TTLL5: variants seen among roughly 807,000 people sequenced by gnomAD.
The protein encoded by TTLL5 is tubulin polyglutamylase TTLL5.
Under a neutral mutation model 168.4 loss-of-function variants are expected in TTLL5, and 132 were observed. The ratio of observed to expected loss-of-function variants is 0.78; its 90% CI spans 0.68 to 0.91. The LOEUF (loss-of-function observed/expected upper bound fraction) is 0.91. Ranked by LOEUF, TTLL5 falls within the 40% of genes least tolerant of loss-of-function variation. The probability of loss-of-function intolerance (pLI) is 0.00; values close to 1 mark genes in which losing one functional copy is unlikely to be tolerated. For synonymous variants in TTLL5, 546 were observed against 558.6 expected, an observed-to-expected ratio of 0.98 and a Z score of 0.32; for missense variants, 1,545 against 1,581.5, an observed-to-expected ratio of 0.98 and a Z score of 0.39.
Position 75,793,078 on chromosome 14 carries a change from A to G in TTLL5, c.3149A>G (p.His1050Arg), listed in dbSNP as rs781295557. 1 of 1,612,308 alleles carries G rather than the reference A, an allele frequency of 6.2e-7. No homozygotes were observed. The highest frequency in any genetic ancestry group is 8.5e-7 in the Non-Finnish European group (1 of 1,178,932). The change falls in exon 27 of 32, where the codon CAC becomes CGC. Residue 1050 changes from histidine to arginine, a missense_variant. Coordinates refer to ENST00000298832, the MANE Select transcript of TTLL5 (RefSeq NM_015072.5). Reference protein sequence around the residue: ...QAARQYSPSSHINLLTQQVTN... With the variant: ...QAARQYSPSSRINLLTQQVTN... ...GCGAGACAGTATTCTCCATCCAGCCACATCAACCTCCTCACCCAACAGGTA... is the reference window on the plus strand; with the variant it reads ...GCGAGACAGTATTCTCCATCCAGCCGCATCAACCTCCTCACCCAACAGGTA...
intron 6 of TTLL5, among the ~76,000 whole-genome samples, chr14:75,698,184 C>A (rs533871345): frequency 1.1e-4 from 16 of 152,272 alleles, no homozygotes; most frequent in Non-Finnish European, 1.9e-4. Flanking sequence ...TGCTTCTCTC[C>A]CCTGACTTCT....
At chr14:75,756,760 G>A (rs915312802) in intron 18 of TTLL5, among the ~76,000 whole-genome samples, 2 of 151,984 alleles carry the variant, frequency 1.3e-5, no homozygotes, top group African/African-American at 2.4e-5. Flanking sequence ...CACCTACCTC[G>A]ACCTCCCAAA....
intron 28 of TTLL5, among the ~76,000 whole-genome samples, chr14:75,825,290 C>T (rs1203735384): frequency 1.3e-5 from 2 of 152,174 alleles, no homozygotes; most frequent in Admixed American, 6.5e-5. Flanking sequence ...ACCTAGTTTA[C>T]ATCACTCTGG....
chr14:75,828,027 G>A (rs1276803335), intron 28 of TTLL5, among the ~76,000 whole-genome samples: 1 of 151,936 alleles, frequency 6.6e-6, no homozygotes, highest in African/African-American at 2.4e-5. Context: ...TGGCCTGGCT[G>A]ATCTTAAAAA....
In TTLL5 at chr14:75,677,787, A is replaced by T. The variant is rs76522626; in HGVS notation, c.182-3758A>T. On this transcript the variant is annotated intron_variant, in intron 3 of 31. Coordinates refer to ENST00000298832, the MANE Select transcript of TTLL5 (RefSeq NM_015072.5). ...CGCCCACCCGTACACTTGGCTAATT[A>T]AAAAAAAAAATTTTTTTTTTTTTTG... Among the ~76,000 whole-genome samples, 6 of 149,372 alleles carry T rather than the reference A, an allele frequency of 4.0e-5. No individual in the cohort carries two copies. The South Asian group carries it at 6.4e-4, about 16-fold the overall frequency.
chr14:75,906,153 A>G (rs2033138877), intron 31 of TTLL5, among the ~76,000 whole-genome samples: 1 of 152,200 alleles, frequency 6.6e-6, no homozygotes, highest in African/African-American at 2.4e-5. Flanking sequence ...GTGGAGCCAA[A>G]ACCCTAAGGA....
At chr14:75,709,259 T>C (rs771130647) in intron 9 of TTLL5, 2 of 754,318 alleles carry the variant, frequency 2.7e-6, no homozygotes, top group East Asian at 4.9e-5. Context: ...CAGATATTAT[T>C]GTACTCTGAC....
intron 26 of TTLL5, among the ~76,000 whole-genome samples, chr14:75,788,122 A>AAAATAAATAAATAAATAAGT (rs1892482375): frequency 6.6e-6 from 1 of 152,118 alleles, no homozygotes; most frequent in Non-Finnish European, 1.5e-5. Context: ...CCCATCTCTA[A>AAAATAAATAAATAAATAAGT]AAATAAATAA....
intron 31 of TTLL5, among the ~76,000 whole-genome samples, chr14:75,929,650 G>A (rs541938262): frequency 2.1e-4 from 32 of 151,954 alleles, no homozygotes; most frequent in Admixed American, 1.9e-3. Flanking sequence ...ACAGGGTTTC[G>A]CCATGTTGGC....
chr14:75,867,383 G>GT (rs1420497505), intron 29 of TTLL5, among the ~76,000 whole-genome samples: 1 of 151,996 alleles, frequency 6.6e-6, no homozygotes, highest in Non-Finnish European at 1.5e-5. Flanking sequence ...CTCCCTTTTT[G>GT]TTTTAATAAT....
rs1289301567 is a variant in TTLL5 at position 75,763,253 on chromosome 14, CTCTGTG to C, written c.1551-1360_1551-1355del. The stretch of plus-strand genomic sequence containing the variant: ...TAAAAGTTTATTTCTATAGCTCTCT[CTCTGTG>C]TGTGTGTGTGTGTGTGTGTGTGTGT... On this transcript the variant is annotated intron_variant, in intron 18 of 31. Transcript: ENST00000298832. 4.6e-3 allele frequency among the ~76,000 whole-genome samples: 666 copies of C among 144,442 alleles called. 2 individuals are homozygous for C. Among genetic ancestry groups the C allele is most frequent in the East Asian group, 0.023 (116 of 4,968 alleles). The allele number at this position is 144,442 out of a possible 152,430, so 94.8% of individuals were successfully genotyped here.
At position 75,871,015 on chromosome 14, in the gene TTLL5, T is replaced by C. The variant is rs1432711373; in HGVS notation, c.3522+7153T>C. 2.6e-5 allele frequency among the ~76,000 whole-genome samples: 4 copies of C among 151,984 alleles called. No homozygotes were observed. In the South Asian group the frequency reaches 6.2e-4, roughly 24 times the overall value. On this transcript the variant is annotated intron_variant, in intron 29 of 31. Transcript: ENST00000298832. Reference sequence around the variant, plus strand: ...TTCACTGTGTTAGCCAGGATGGTCTTGATCTCCTGACCTTGTGATCTGCCC... The same window carrying C: ...TTCACTGTGTTAGCCAGGATGGTCTCGATCTCCTGACCTTGTGATCTGCCC...
rs182760883 is a variant in TTLL5 at position 75,882,805 on chromosome 14, G to A, written c.3643G>A (p.Val1215Met). Residue 1215 changes from valine (V) to methionine (M), a missense_variant, in exon 30 of 32, where the codon GTG (valine) becomes ATG (methionine). Coordinates refer to ENST00000298832, the MANE Select transcript of TTLL5 (RefSeq NM_015072.5). ...GAAGCCAACCACTCTGCCACAAAAA[G>A]TGGTACCACCTCCAAGTTCTTGCGC... is the stretch of plus-strand genomic sequence containing the variant. ...GQKPTTLPQKVVPPPSSCASL... is the reference protein window; with the variant it reads ...GQKPTTLPQKMVPPPSSCASL... 1.2e-6 allele frequency: 2 copies of A among 1,614,082 alleles called. No individual in the cohort carries two copies. Among genetic ancestry groups the A allele is most frequent in the African/African-American group, 1.3e-5 (1 of 75,010 alleles).
intron 7 of TTLL5, among the ~76,000 whole-genome samples, chr14:75,705,810 A>G (rs1291934608): frequency 6.6e-6 from 1 of 151,456 alleles, no homozygotes; most frequent in Non-Finnish European, 1.5e-5. Flanking sequence ...CTTTTGTCCT[A>G]CATGGATTGT....
intron 28 of TTLL5, among the ~76,000 whole-genome samples, chr14:75,825,902 C>CTT (rs1555349302): frequency 3.9e-5 from 6 of 152,224 alleles, no homozygotes; most frequent in Non-Finnish European, 1.5e-5. Context: ...CGTAACCTCT[C>CTT]AAGAGTTATA....
chr14:75,912,613 A>T (rs1042261053), intron 31 of TTLL5, among the ~76,000 whole-genome samples: 1 of 152,226 alleles, frequency 6.6e-6, no homozygotes, highest in Non-Finnish European at 1.5e-5. Flanking sequence ...GGCAGGGCAA[A>T]CAGGGAAACA....
At chr14:75,773,915 T>C (rs1237860060) in intron 21 of TTLL5, among the ~76,000 whole-genome samples, 351 of 29,016 alleles carry the variant, frequency 0.012, no homozygotes, top group Non-Finnish European at 0.02. Context: ...TACATATATA[T>C]ATATATATAT....
intron 3 of TTLL5, among the ~76,000 whole-genome samples, chr14:75,670,838 C>T (rs986328883): frequency 1.3e-5 from 2 of 152,102 alleles, no homozygotes; most frequent in Non-Finnish European, 2.9e-5. Context: ...TACAAATATT[C>T]TTACTCTGTG....
chr14:75,852,587 G>A (rs1187685104), intron 28 of TTLL5, among the ~76,000 whole-genome samples: 1 of 152,006 alleles, frequency 6.6e-6, no homozygotes, highest in Non-Finnish European at 1.5e-5. Context: ...AACCATTTCT[G>A]TATAACTCCA....
Sources: allele counts gnomAD v4.1 joint callset (sites outside exome capture counted in the v4.1 genomes callset), GRCh38; gene constraint gnomAD v4.1.1; transcripts MANE v1.5; gene names NCBI Gene and HGNC (gene_info 2026-07-23, HGNC 2026-07-21).